CXADR: variants seen among roughly 807,000 people sequenced by gnomAD.
The protein encoded by CXADR is CXADR cell adhesion molecule.
A neutral mutation model predicts 40.3 loss-of-function variants in CXADR; 20 were observed. The ratio of observed to expected loss-of-function variants is 0.50; its 90% CI spans 0.35 to 0.72. CXADR has a LOEUF of 0.72. Among genes scored for constraint, CXADR ranks in the 30% least tolerant of loss-of-function variants. The pLI is 0.01. For synonymous variants in CXADR, 150 were observed against 161.3 expected (o/e 0.93, Z 0.53); for missense variants, 332 against 449.1 (o/e 0.74, Z 2.36).
chr21:17,543,059 C>G, intron 1 of CXADR: 1 of 349,764 alleles, frequency 2.9e-6, no homozygotes, highest in Non-Finnish European at 5.7e-6. Context: ...AAGGCTTTAA[C>G]CATTTTTTGA....
At chr21:17,631,698 C>T in the CXADR span, among the ~76,000 whole-genome samples, 2 of 152,164 alleles carry the variant, frequency 1.3e-5, no homozygotes, top group Non-Finnish European at 2.9e-5. Flanking sequence ...TTTCTATATT[C>T]ACTCTTGGTA....
At chr21:17,604,202 G>A in the CXADR span, 24 of 1,071,828 alleles carry the variant, frequency 2.2e-5, no homozygotes, top group Non-Finnish European at 3.0e-5. Flanking sequence ...CAGCGCTTTG[G>A]GAGGCCAAGG....
At chr21:17,632,941 T>G in the CXADR span, among the ~76,000 whole-genome samples, 3 of 152,118 alleles carry the variant, frequency 2.0e-5, no homozygotes, top group Non-Finnish European at 4.4e-5. Flanking sequence ...TTTGGCTAGG[T>G]GTATAATCAC....
exon 8 of CXADR, chr21:17,593,353 GATGTC>G (rs932105036): frequency 1.9e-5 from 12 of 620,738 alleles, no homozygotes; most frequent in African/African-American, 1.9e-5. Context: ...ATGTAAGTCA[GATGTC>G]ATGTCAAAAT....
intron 7 of CXADR, among the ~76,000 whole-genome samples, chr21:17,589,959 G>T (rs2123403476): frequency 6.6e-6 from 1 of 152,032 alleles, no homozygotes; most frequent in Non-Finnish European, 1.5e-5. Flanking sequence ...TGTATTTAGT[G>T]TTCATATATT....
At chr21:17,577,858 A>C (rs370270607) in intron 7 of CXADR, among the ~76,000 whole-genome samples, 1 of 151,730 alleles carries the variant, frequency 6.6e-6, no homozygotes, top group African/African-American at 2.4e-5. Context: ...TCTGCTTTCT[A>C]TTTTATATAC....
chr21:17,519,312 G>A (rs1027460310), intron 1 of CXADR, among the ~76,000 whole-genome samples: 1 of 152,290 alleles, frequency 6.6e-6, no homozygotes, highest in East Asian at 1.9e-4. Flanking sequence ...CTTTTTGCAT[G>A]ACTGAAAGTT....
Position 17,559,098 on chromosome 21 carries a change from G to T in CXADR, c.538G>T (p.Asp180Tyr). 6.2e-7 allele frequency: 1 copy of T among 1,614,112 alleles called. No homozygotes were observed. The highest frequency in any genetic ancestry group is 8.5e-7 in the Non-Finnish European group (1 of 1,179,994). The change falls in exon 4 of 7, where the codon GAC (aspartate) becomes TAC (tyrosine). Residue 180 changes from aspartate (D) to tyrosine (Y), a missense_variant. Transcript: ENST00000284878. ...PLQYEWQKLS[D>Y]SQKMPTSWLA... ...ACAGTATGAGTGGCAAAAATTGTCT[G>T]ACTCACAGAAAATGCCCACTTCATG...
chr21:17,545,159 T>G (rs992246382), intron 1 of CXADR, among the ~76,000 whole-genome samples: 1 of 147,438 alleles, frequency 6.8e-6, no homozygotes, highest in African/African-American at 2.5e-5. Context: ...ATACCATATC[T>G]TAGTGCTTAG....
intron 1 of CXADR, among the ~76,000 whole-genome samples, chr21:17,545,820 C>G (rs2849895): frequency 2.1e-5 from 3 of 145,830 alleles, no homozygotes; most frequent in African/African-American, 7.7e-5. Context: ...ACTGTTATTG[C>G]CCAGGCTGGA....
At chr21:17,525,337 T>C (rs574070712) in intron 1 of CXADR, among the ~76,000 whole-genome samples, 6 of 152,340 alleles carry the variant, frequency 3.9e-5, no homozygotes, top group African/African-American at 1.4e-4. Flanking sequence ...TGCAGTTATT[T>C]TTTCACTTTC....
the CXADR span, among the ~76,000 whole-genome samples, chr21:17,619,609 A>AAG: frequency 6.0e-5 from 9 of 151,228 alleles, no homozygotes; most frequent in East Asian, 1.4e-3. Context: ...AAAAAAAAAA[A>AAG]AGAGAGAGAT....
At chr21:17,594,276 C>T, downstream of CXADR, 1 of 1,613,078 alleles carries the variant, frequency 6.2e-7, no homozygotes, top group Admixed American at 1.7e-5. Flanking sequence ...ACATTCCTGG[C>T]TTTTTTCTGG....
At chr21:17,554,367 A>G (rs149114068) in intron 3 of CXADR, among the ~76,000 whole-genome samples, 1 of 152,284 alleles carries the variant, frequency 6.6e-6, no homozygotes, top group African/African-American at 2.4e-5. Flanking sequence ...TGGCCTTTTT[A>G]TATTAAACTT....
chr21:17,531,118 C>T (rs537982241), intron 1 of CXADR, among the ~76,000 whole-genome samples: 4 of 151,942 alleles, frequency 2.6e-5, no homozygotes, highest in East Asian at 2.0e-4. Flanking sequence ...GCCAGCGTGG[C>T]GAAACCCCAT....
chr21:17,552,269 G>T (rs1032181737), intron 3 of CXADR, among the ~76,000 whole-genome samples: 2 of 152,136 alleles, frequency 1.3e-5, no homozygotes, highest in Non-Finnish European at 2.9e-5. Context: ...CTCAGAATTT[G>T]CCCTGAGAAT....
In CXADR at chr21:17,583,557, T is replaced by C. The variant is rs2061375460; in HGVS notation, c.1018-9595T>C. On this transcript the variant is annotated intron_variant, in intron 7 of 7. Transcript: ENST00000400169. Reference sequence around the variant, plus strand: ...TATCAGAGCAATACTTGAAATACGCTACCATCTCATCCAAAATAGCCATCA... The same window carrying C: ...TATCAGAGCAATACTTGAAATACGCCACCATCTCATCCAAAATAGCCATCA... Among the ~76,000 whole-genome samples, 3 of 152,196 alleles carry C rather than the reference T, an allele frequency of 2.0e-5. No individual in the cohort carries two copies. In the South Asian group the frequency reaches 6.2e-4, roughly 32 times the overall value.
chr21:17,528,199 G>A (rs563067210), intron 1 of CXADR, among the ~76,000 whole-genome samples: 3 of 149,150 alleles, frequency 2.0e-5, no homozygotes, highest in Admixed American at 6.8e-5. Flanking sequence ...TCACCCTCTC[G>A]AGTAGCTGGG....
At chr21:17,522,175 T>G (rs2123121887) in intron 1 of CXADR, among the ~76,000 whole-genome samples, 2 of 150,886 alleles carry the variant, frequency 1.3e-5, no homozygotes, top group Admixed American at 1.3e-4. Context: ...GGAGACGGAG[T>G]TTTGCTCTTG....
Sources: gnomAD v4.1 joint callset for allele counts (sites outside exome capture counted in the v4.1 genomes callset) on GRCh38, gnomAD v4.1.1 for gene constraint, MANE v1.5 for transcripts, NCBI Gene and HGNC (gene_info 2026-07-23, HGNC 2026-07-21) for gene names.